The following IGSF5 variants were observed in gnomAD, a reference collection of about 807,000 sequenced individuals.
IGSF5 encodes immunoglobulin superfamily 5 like.
In IGSF5, 41 loss-of-function variants were observed where a neutral mutation model predicts 39.4. The observed-to-expected ratio is 1.04, with a 90% confidence interval of 0.81 to 1.35. The LOEUF (loss-of-function observed/expected upper bound fraction) is 1.35, where lower values mean the gene tolerates loss of function less well. Among genes scored for constraint, IGSF5 ranks in the 40% most tolerant of loss-of-function variants. IGSF5 has a pLI of 0.00. For synonymous variants in IGSF5, 183 were observed against 175.3 expected, an observed-to-expected ratio of 1.04 and a Z score of -0.34; for missense variants, 487 against 494.6, an observed-to-expected ratio of 0.98 and a Z score of 0.15.
At chr21:39,731,504 T>A in the IGSF5 span, among the ~76,000 whole-genome samples, 1 of 152,302 alleles carries the variant, frequency 6.6e-6, no homozygotes, top group African/African-American at 2.4e-5. Context: ...GTGGGCCTAG[T>A]CTAATCACAT....
intron 6 of IGSF5, 113 bp downstream of exon 6, chr21:39,788,301 C>T (rs541520482): frequency 5.1e-6 from 4 of 788,964 alleles, no homozygotes; most frequent in Non-Finnish European, 8.4e-6. Context: ...TTATGTTATC[C>T]AGAATTAAGT....
intron 6 of IGSF5, 129 bp from the exon 7 acceptor site, chr21:39,791,879 G>C (rs1601142223): frequency 1.6e-6 from 1 of 639,342 alleles, no homozygotes; most frequent in Non-Finnish European, 2.8e-6. Context: ...TGGACTTCCT[G>C]TGTTAAGTTC....
intron 7 of IGSF5, 24 bp downstream of exon 7, chr21:39,792,123 A>AAAAGACCTGGG: frequency 6.6e-7 from 1 of 1,518,358 alleles, no homozygotes; most frequent in Non-Finnish European, 9.1e-7. Context: ...AGGGGTGGTG[A>AAAAGACCTGGG]AAAGACCTGG....
At chr21:39,777,738 C>A (rs528857014) in intron 4 of IGSF5, among the ~76,000 whole-genome samples, 1 of 152,278 alleles carries the variant, frequency 6.6e-6, no homozygotes, top group South Asian at 2.1e-4. Context: ...GATCCCTAGA[C>A]CTGGTTCAGC....
chr21:39,795,606 C>T (rs1445825866), intron 8 of IGSF5, among the ~76,000 whole-genome samples: 3 of 151,234 alleles, frequency 2.0e-5, no homozygotes, highest in Admixed American at 6.6e-5. Flanking sequence ...TGGAGAATGA[C>T]GTTTTGGAGC....
chr21:39,773,904 GAGAT>G (rs944213462), intron 4 of IGSF5, among the ~76,000 whole-genome samples: 77 of 152,314 alleles, frequency 5.1e-4, no homozygotes, highest in African/African-American at 1.8e-3. Flanking sequence ...GTACCTTAGA[GAGAT>G]AGATTTTAGA....
chr21:39,763,449 C>A (rs943890205), intron 2 of IGSF5, among the ~76,000 whole-genome samples: 2 of 152,182 alleles, frequency 1.3e-5, no homozygotes, highest in African/African-American at 4.8e-5. Flanking sequence ...CTCCTCCCTC[C>A]TTTTCATCTC....
intron 7 of IGSF5, among the ~76,000 whole-genome samples, chr21:39,792,333 G>C (rs2086970182): frequency 6.6e-6 from 1 of 152,092 alleles, no homozygotes; most frequent in African/African-American, 2.4e-5. Context: ...AACCCTGAGA[G>C]CTTTAAAAAA....
At chr21:39,740,554 G>A (rs1318666402), upstream of IGSF5, among the ~76,000 whole-genome samples, 1 of 152,186 alleles carries the variant, frequency 6.6e-6, no homozygotes, top group African/African-American at 2.4e-5. Context: ...TTCCTGGAGT[G>A]AGGGGATTAC....
intron 2 of IGSF5, among the ~76,000 whole-genome samples, chr21:39,756,250 C>T (rs1220411930): frequency 2.6e-5 from 4 of 152,230 alleles, no homozygotes; most frequent in Non-Finnish European, 5.9e-5. Context: ...CCCAGTAATG[C>T]ACTTAAATGC....
At chr21:39,733,142 C>A in the IGSF5 span, among the ~76,000 whole-genome samples, 43,690 of 152,056 alleles carry the variant, frequency 0.29, 6,653 homozygotes, top group South Asian at 0.41. Flanking sequence ...TCTATGCATA[C>A]ATAAATTCAT....
chr21:39,786,608 G>A (rs894724420), intron 5 of IGSF5, among the ~76,000 whole-genome samples: 1 of 149,788 alleles, frequency 6.7e-6, no homozygotes, highest in Non-Finnish European at 1.5e-5. Flanking sequence ...CCATTACTGG[G>A]TATATACCCA....
chr21:39,778,513 GA>G (rs1319630478), intron 4 of IGSF5, among the ~76,000 whole-genome samples: 1 of 152,148 alleles, frequency 6.6e-6, no homozygotes, highest in African/African-American at 2.4e-5. Context: ...GGTGTCTCCT[GA>G]AAAGCTATGG....
intron 2 of IGSF5, among the ~76,000 whole-genome samples, chr21:39,758,892 A>G (rs2080046606): frequency 6.6e-6 from 1 of 152,230 alleles, no homozygotes; most frequent in African/African-American, 2.4e-5. Flanking sequence ...TTGAAGAATA[A>G]TAGACATACA....
Position 39,788,067 on chromosome 21 carries a change from T to C in IGSF5, c.935-100T>C, listed in dbSNP as rs1601140091. On this transcript the variant is annotated intron_variant, in intron 5 of 8. Transcript: ENST00000380588. ...GCTCCTTGGGTCACAAATACTAATGTTGGGTCTGTTAAAATAAGGGAGTGT... is the reference window on the plus strand; with the variant it reads ...GCTCCTTGGGTCACAAATACTAATGCTGGGTCTGTTAAAATAAGGGAGTGT... 2.0e-5 allele frequency: 17 copies of C among 851,820 alleles called. No individual in the cohort carries two copies. The East Asian group carries it at 2.9e-4, about 14-fold the overall frequency. The allele number at this position is 851,820 out of a possible 1,614,324, so 52.8% of individuals were successfully genotyped here.
chr21:39,754,587 C>G (rs2080020832), intron 2 of IGSF5, among the ~76,000 whole-genome samples: 1 of 152,150 alleles, frequency 6.6e-6, no homozygotes, highest in Non-Finnish European at 1.5e-5. Context: ...GTGTTTGCCT[C>G]TCGTCAGGAC....
At chr21:39,760,727 C>T (rs567063501) in intron 2 of IGSF5, among the ~76,000 whole-genome samples, 9 of 152,148 alleles carry the variant, frequency 5.9e-5, no homozygotes, top group Admixed American at 2.0e-4. Flanking sequence ...CATGCCACCA[C>T]GCCCAGCTAA....
At chr21:39,743,316 G>A (rs1429032636), upstream of IGSF5, among the ~76,000 whole-genome samples, 1 of 152,096 alleles carries the variant, frequency 6.6e-6, no homozygotes, top group Admixed American at 6.5e-5. Context: ...TTTTCATTTG[G>A]GGTTAGTGTC....
At position 39,801,416 on chromosome 21, in the gene IGSF5, C is replaced by A; in HGVS notation, c.*59C>A. 1 of 1,243,814 alleles carries A rather than the reference C, an allele frequency of 8.0e-7. No individual in the cohort carries two copies. The highest frequency in any genetic ancestry group is 1.2e-6 in the Non-Finnish European group (1 of 850,464). 77.0% of individuals were successfully genotyped at this position (1,243,814 alleles called of 1,614,324 possible). A position where few individuals can be genotyped will look rare whatever the true frequency, so the allele number is the denominator to read the frequency against. On this transcript the variant is annotated 3_prime_UTR_variant, in exon 9 of 9. Coordinates refer to ENST00000380588, the MANE Select transcript of IGSF5 (RefSeq NM_001080444.2). ...CTGACAATTCAAAACACGGCGATGG[C>A]ATCCTTCCTTTCCATCCTAAGACTG... is the stretch of plus-strand genomic sequence containing the variant.
Sources: allele counts gnomAD v4.1 joint callset (sites outside exome capture counted in the v4.1 genomes callset), GRCh38; gene constraint gnomAD v4.1.1; transcripts MANE v1.5; gene names NCBI Gene and HGNC (gene_info 2026-07-23, HGNC 2026-07-21).